Variants in VEPH1 observed in about 807,000 individuals in gnomAD.
VEPH1 encodes ventricular zone-expressed PH domain-containing protein homolog 1.
A neutral mutation model predicts 85.2 loss-of-function variants in VEPH1; 80 were observed. The ratio of observed to expected loss-of-function variants is 0.94; its 90% CI spans 0.78 to 1.13. VEPH1 has a LOEUF of 1.13. Among genes scored for constraint, VEPH1 ranks in the 50% most tolerant of loss-of-function variants. The pLI, the probability that VEPH1 is intolerant of heterozygous loss-of-function variation, is 0.00. For missense variants in VEPH1, 955 were observed against 980.5 expected, an observed-to-expected ratio of 0.97 and a Z score of 0.35; for synonymous variants, 297 against 348.0, an observed-to-expected ratio of 0.85 and a Z score of 1.63.
In VEPH1 at chr3:157,286,801, G is replaced by A. The variant is rs1050879631; in HGVS notation, c.2011-127C>T. ...CAATCTCAGTACTAAAGACTAAGAG[G>A]CAGCATTGAAAAAATTTCTCTTGGC... On this transcript the variant is annotated intron_variant, in intron 11 of 13. Transcript: ENST00000362010. 6 of 745,846 alleles carry A rather than the reference G, an allele frequency of 8.0e-6. No homozygotes were observed. In the African/African-American group the frequency reaches 8.8e-5, roughly 11 times the overall value. The allele number at this position is 745,846 out of a possible 1,614,324, so 46.2% of individuals were successfully genotyped here. A position where few individuals can be genotyped will look rare whatever the true frequency, so the allele number is the denominator to read the frequency against.
intron 9 of VEPH1, among the ~76,000 whole-genome samples, chr3:157,335,585 C>A (rs1722891451): frequency 6.6e-6 from 1 of 152,052 alleles, no homozygotes; most frequent in South Asian, 2.1e-4. Flanking sequence ...AGTAAAAACC[C>A]AAGAAGACCA....
intron 4 of VEPH1, among the ~76,000 whole-genome samples, chr3:157,453,831 C>T (rs1735160307): frequency 6.6e-6 from 1 of 152,160 alleles, no homozygotes; most frequent in Non-Finnish European, 1.5e-5. Context: ...AGTCTTAAAA[C>T]TCCAAACCCT....
intron 5 of VEPH1, among the ~76,000 whole-genome samples, chr3:157,427,325 G>C (rs1169143780): frequency 6.6e-6 from 1 of 151,602 alleles, no homozygotes; most frequent in African/African-American, 2.4e-5. Context: ...TCACCATCTT[G>C]GCCAGGCTGG....
intron 7 of VEPH1, among the ~76,000 whole-genome samples, chr3:157,378,349 T>TAG (rs1262830553): frequency 1.2e-5 from 1 of 80,904 alleles, no homozygotes; most frequent in African/African-American, 4.7e-5. Flanking sequence ...TATATATATA[T>TAG]ATATATATAG....
At chr3:157,308,413 A>G (rs1210910655) in intron 11 of VEPH1, among the ~76,000 whole-genome samples, 1 of 151,986 alleles carries the variant, frequency 6.6e-6, no homozygotes, top group Non-Finnish European at 1.5e-5. Context: ...GTAGCTAAAC[A>G]ATTGTATATA....
At chr3:157,266,548 G>A (rs1336480445) in intron 12 of VEPH1, among the ~76,000 whole-genome samples, 1 of 152,056 alleles carries the variant, frequency 6.6e-6, no homozygotes, top group South Asian at 2.1e-4. Flanking sequence ...ACAAGGGCAG[G>A]GTCTTTGCTT....
chr3:157,304,561 C>T (rs1283761968), intron 11 of VEPH1, among the ~76,000 whole-genome samples: 1 of 152,038 alleles, frequency 6.6e-6, no homozygotes, highest in African/African-American at 2.4e-5. Flanking sequence ...TGCACTGAAA[C>T]GAAATTATTA....
chr3:157,331,894 G>A (rs1722543368), intron 9 of VEPH1, among the ~76,000 whole-genome samples: 1 of 152,290 alleles, frequency 6.6e-6, no homozygotes, highest in African/African-American at 2.4e-5. Flanking sequence ...GGGGCTAATA[G>A]GAAACACCAT....
chr3:157,475,751 C>T (rs2109524214), intron 2 of VEPH1, among the ~76,000 whole-genome samples: 2 of 152,326 alleles, frequency 1.3e-5, no homozygotes, highest in South Asian at 4.1e-4. Context: ...CAAAATTTGA[C>T]TTCTCTTATG....
chr3:157,442,319 T>G, intron 4 of VEPH1: 1 of 1,421,240 alleles, frequency 7.0e-7, no homozygotes, highest in Non-Finnish European at 9.5e-7. Context: ...AATTCTGAAT[T>G]AATTTATATT....
At chr3:157,387,817 G>A (rs1729459823) in intron 6 of VEPH1, among the ~76,000 whole-genome samples, 1 of 152,152 alleles carries the variant, frequency 6.6e-6, no homozygotes, top group African/African-American at 2.4e-5. Context: ...ATTGAAATGG[G>A]TGGAGCTCAG....
chr3:157,376,939 T>G (rs1000448582), intron 7 of VEPH1, among the ~76,000 whole-genome samples: 1 of 152,212 alleles, frequency 6.6e-6, no homozygotes, highest in Non-Finnish European at 1.5e-5. Context: ...CAGATTTTGC[T>G]GCATGCTTTA....
chr3:157,471,341 T>C (rs1036268044), intron 2 of VEPH1, among the ~76,000 whole-genome samples: 11 of 152,348 alleles, frequency 7.2e-5, no homozygotes, highest in African/African-American at 2.6e-4. Context: ...ATCTTGTGCA[T>C]GAAGCTCTCT....
At chr3:157,454,664 T>C (rs1735221461) in intron 4 of VEPH1, among the ~76,000 whole-genome samples, 1 of 152,142 alleles carries the variant, frequency 6.6e-6, no homozygotes, top group African/African-American at 2.4e-5. Flanking sequence ...AAGGCTATAT[T>C]GCATGATGCT....
At chr3:157,491,459 TG>T (rs1388214907) in intron 2 of VEPH1, among the ~76,000 whole-genome samples, 2 of 152,144 alleles carry the variant, frequency 1.3e-5, no homozygotes, top group Non-Finnish European at 2.9e-5. Context: ...AAGGTATGTT[TG>T]GGAACTTGGA....
At chr3:157,314,366 A>G (rs1379490746) in intron 10 of VEPH1, among the ~76,000 whole-genome samples, 2 of 146,154 alleles carry the variant, frequency 1.4e-5, no homozygotes, top group Non-Finnish European at 3.0e-5. Flanking sequence ...AAAAAAAATT[A>G]AACGAAAAAG....
At chr3:157,434,364 C>T (rs569909686) in intron 4 of VEPH1, among the ~76,000 whole-genome samples, 4 of 152,132 alleles carry the variant, frequency 2.6e-5, no homozygotes, top group Admixed American at 1.3e-4. Flanking sequence ...CAGGCTGGAA[C>T]GCAGTGGTGT....
chr3:157,357,738 C>G (rs1201897135), intron 9 of VEPH1, among the ~76,000 whole-genome samples: 1 of 152,224 alleles, frequency 6.6e-6, no homozygotes, highest in Non-Finnish European at 1.5e-5. Flanking sequence ...GGTGATCCGC[C>G]TGCCTTGGCC....
At chr3:157,299,658 G>GGCCATGAT (rs1718558597) in intron 11 of VEPH1, among the ~76,000 whole-genome samples, 1 of 150,202 alleles carries the variant, frequency 6.7e-6, no homozygotes, top group Admixed American at 6.8e-5. Flanking sequence ...CTCTGCCTCA[G>GGCCATGAT]GCCATGATGC....
Sources: gnomAD v4.1 joint callset for allele counts (sites outside exome capture counted in the v4.1 genomes callset) on GRCh38, gnomAD v4.1.1 for gene constraint, MANE v1.5 for transcripts, NCBI Gene and HGNC (gene_info 2026-07-23, HGNC 2026-07-21) for gene names.